SLC14A2: variants seen among roughly 807,000 people sequenced by gnomAD.
SLC14A2 encodes solute carrier family 14 member 2, also known as urea transporter 2.
A neutral mutation model predicts 104.6 loss-of-function variants in SLC14A2; 91 were observed. That is an observed-to-expected ratio of 0.87 (90% CI 0.73 to 1.04). The LOEUF (loss-of-function observed/expected upper bound fraction) is 1.04, where lower values mean the gene tolerates loss of function less well. SLC14A2 is among the 50% of genes least tolerant of loss of function. The pLI is 0.00. For synonymous variants in SLC14A2, 476 were observed against 466.4 expected (o/e 1.02, Z -0.27); for missense variants, 1,189 against 1,156.0 (o/e 1.03, Z -0.41).
At position 45,682,998 on chromosome 18, in the gene SLC14A2, G is replaced by A; in HGVS notation, c.*479G>A. 6.0e-6 allele frequency: 1 copy of A among 167,684 alleles called. No homozygotes were observed. The highest frequency in any genetic ancestry group is 1.3e-5 in the Non-Finnish European group (1 of 75,726). 10.4% of individuals were successfully genotyped at this position (167,684 alleles called of 1,614,324 possible). On this transcript the variant is annotated 3_prime_UTR_variant, in exon 20 of 20. Coordinates refer to ENST00000255226, the MANE Select transcript of SLC14A2 (RefSeq NM_007163.4). ...AGTCCCAGCTACTTGGGAGGCTGAG[G>A]CAGGAGAATGGCGTGAACCCGGGAG...
intron 1 of SLC14A2, among the ~76,000 whole-genome samples, chr18:45,371,220 A>G (rs1393580365): frequency 6.6e-6 from 1 of 152,192 alleles, no homozygotes; most frequent in Admixed American, 6.5e-5. Flanking sequence ...CTTTTGAGCC[A>G]TAATTCCCAC....
At chr18:45,515,609 G>A (rs2043428031) in intron 2 of SLC14A2, 1 of 152,268 alleles carries the variant, frequency 6.6e-6, no homozygotes, top group Non-Finnish European at 1.5e-5. Context: ...AAGGTGAGCA[G>A]GATCTAGAAA....
chr18:45,477,083 C>A (rs952793115), intron 1 of SLC14A2, among the ~76,000 whole-genome samples: 1 of 152,136 alleles, frequency 6.6e-6, no homozygotes, highest in Non-Finnish European at 1.5e-5. Context: ...AGTTTTCAGC[C>A]TTTTTGCACT....
At position 45,361,883 on chromosome 18, in the gene SLC14A2, C is replaced by G. The variant is rs186495606; in HGVS notation, c.-124-121350C>G. On this transcript the variant is annotated intron_variant, in intron 1 of 20. Transcript: ENST00000586448. Reference sequence around the variant, plus strand: ...CTGCATGGAAAAAAATGACACGGCTCAGGCCCATCTTTTCCCCGGGAGCAC... The same window carrying G: ...CTGCATGGAAAAAAATGACACGGCTGAGGCCCATCTTTTCCCCGGGAGCAC... Among the ~76,000 whole-genome samples, 161 of 152,248 alleles carry G rather than the reference C, an allele frequency of 1.1e-3. 1 individual carries two copies. Among genetic ancestry groups the G allele is most frequent in the Non-Finnish European group, 2.1e-3 (143 of 68,028 alleles).
chr18:45,307,720 A>G (rs185198273), intron 1 of SLC14A2, among the ~76,000 whole-genome samples: 226 of 152,342 alleles, frequency 1.5e-3, no homozygotes, highest in Admixed American at 2.6e-3. Flanking sequence ...ATTAATGTCA[A>G]GATGAAAGCA....
intron 1 of SLC14A2, among the ~76,000 whole-genome samples, chr18:45,285,543 G>A (rs1037427024): frequency 6.6e-5 from 10 of 152,012 alleles, no homozygotes; most frequent in Admixed American, 4.6e-4. Context: ...TCAGCCTTCC[G>A]AGTAGCTGGG....
intron 1 of SLC14A2, among the ~76,000 whole-genome samples, chr18:45,226,112 C>A (rs1482858922): frequency 6.6e-6 from 1 of 152,144 alleles, no homozygotes; most frequent in African/African-American, 2.4e-5. Flanking sequence ...ATCAAAACCA[C>A]AATGAGATAC....
the SLC14A2 span, among the ~76,000 whole-genome samples, chr18:45,199,338 A>AT: frequency 2.4e-4 from 36 of 151,876 alleles, no homozygotes; most frequent in Non-Finnish European, 4.9e-4. Context: ...AATTATTTGT[A>AT]TTTTTTTCTT....
chr18:45,218,167 A>G (rs1191315444), intron 1 of SLC14A2, among the ~76,000 whole-genome samples: 1 of 152,224 alleles, frequency 6.6e-6, no homozygotes, highest in East Asian at 1.9e-4. Context: ...TCATTAGATA[A>G]TAACTCCTCA....
At chr18:45,613,717 T>C (rs1263109262), upstream of SLC14A2, among the ~76,000 whole-genome samples, 1 of 152,206 alleles carries the variant, frequency 6.6e-6, no homozygotes, top group African/African-American at 2.4e-5. Context: ...CGATTTAGGA[T>C]ATCTGGCAGA....
At chr18:45,450,284 G>A (rs553980206) in intron 1 of SLC14A2, among the ~76,000 whole-genome samples, 2 of 152,158 alleles carry the variant, frequency 1.3e-5, no homozygotes, top group Admixed American at 1.3e-4. Flanking sequence ...ACATGGCCCT[G>A]TTAGGAAACA....
intron 2 of SLC14A2, among the ~76,000 whole-genome samples, chr18:45,586,177 G>T: frequency 6.6e-6 from 1 of 152,186 alleles, no homozygotes; most frequent in East Asian, 1.9e-4. Flanking sequence ...TGGGTTAGAC[G>T]AGAGAATGGC....
chr18:45,417,217 AC>A (rs1249607883), intron 1 of SLC14A2, among the ~76,000 whole-genome samples: 2 of 152,154 alleles, frequency 1.3e-5, no homozygotes, highest in African/African-American at 4.8e-5. Context: ...AGCAAATTCA[AC>A]AAATTATGGG....
At chr18:45,323,955 A>C (rs1416190706) in intron 1 of SLC14A2, among the ~76,000 whole-genome samples, 2 of 152,198 alleles carry the variant, frequency 1.3e-5, no homozygotes, top group Non-Finnish European at 1.5e-5. Context: ...TGTAACACGC[A>C]TGCACTGGAG....
intron 10 of SLC14A2, among the ~76,000 whole-genome samples, chr18:45,662,060 T>G (rs2045944602): frequency 6.6e-6 from 1 of 152,200 alleles, no homozygotes; most frequent in Non-Finnish European, 1.5e-5. Context: ...CTCCCAGCAC[T>G]TTGGGAATCC....
At chr18:45,402,117 G>A (rs1007517731) in intron 1 of SLC14A2, among the ~76,000 whole-genome samples, 1 of 152,164 alleles carries the variant, frequency 6.6e-6, no homozygotes, top group Non-Finnish European at 1.5e-5. Context: ...ACGTAAGACA[G>A]AGGCCCACAG....
Position 45,374,502 on chromosome 18 carries a change from G to C in SLC14A2, c.-124-108731G>C, listed in dbSNP as rs140793371. On this transcript the variant is annotated intron_variant, in intron 1 of 20. Transcript: ENST00000586448. Reference sequence around the variant, plus strand: ...AGTTAAATATCTGGAGACCACCAGAGTTGGAAGGGACCTCAGAAACTGTTC... The same window carrying C: ...AGTTAAATATCTGGAGACCACCAGACTTGGAAGGGACCTCAGAAACTGTTC... Among the ~76,000 whole-genome samples the C allele has an allele frequency of 3.2e-3, 488 of 152,258 alleles. 4 individuals are homozygous for C. Among genetic ancestry groups the C allele is most frequent in the Middle Eastern group, 0.01 (3 of 294 alleles).
rs1165070845 is a variant in SLC14A2, at chr18:45,250,751, C to CTGACTTTTT, written c.-125+37561_-125+37562insGACTTTTTT. On this transcript the variant is annotated intron_variant, in intron 1 of 20. Coordinates refer to the SLC14A2 transcript ENST00000586448. ...AACTGAATCCTCTGGCTAGTGGCTT[C>CTGACTTTTT]TTCCTTTTTTTTTTTTTTTTTTTTT... Among the ~76,000 whole-genome samples, 83 of 113,862 alleles carry CTGACTTTTT rather than the reference C, an allele frequency of 7.3e-4. 2 individuals carry two copies. The highest frequency in any genetic ancestry group is 2.7e-3 in the African/African-American group (68 of 25,502). 74.7% of individuals were successfully genotyped at this position (113,862 alleles called of 152,430 possible). A position where few individuals can be genotyped will look rare whatever the true frequency, so the allele number is the denominator to read the frequency against.
At chr18:45,321,337 T>G (rs140429485) in intron 1 of SLC14A2, among the ~76,000 whole-genome samples, 1 of 152,358 alleles carries the variant, frequency 6.6e-6, no homozygotes, top group Non-Finnish European at 1.5e-5. Flanking sequence ...TCATACGATT[T>G]TATGAATATA....
Sources: gnomAD v4.1 joint callset for allele counts (sites outside exome capture counted in the v4.1 genomes callset) on GRCh38, gnomAD v4.1.1 for gene constraint, MANE v1.5 for transcripts, NCBI Gene and HGNC (gene_info 2026-07-23, HGNC 2026-07-21) for gene names.